HTR4: variants seen among roughly 807,000 people sequenced by gnomAD.
HTR4 encodes 5-hydroxytryptamine receptor 4.
A neutral mutation model predicts 36.8 loss-of-function variants in HTR4; 16 were observed. That is an observed-to-expected ratio of 0.43 (90% CI 0.29 to 0.66). The LOEUF (loss-of-function observed/expected upper bound fraction) is 0.66, where lower values mean the gene tolerates loss of function less well. HTR4 is among the 30% of genes least tolerant of loss of function. The pLI is 0.13. For synonymous variants in HTR4, 189 were observed against 185.1 expected (o/e 1.02, Z -0.17); for missense variants, 438 against 490.9 (o/e 0.89, Z 1.02).
chr5:148,647,543 C>T (rs927027028), intron 1 of HTR4, among the ~76,000 whole-genome samples: 6 of 152,124 alleles, frequency 3.9e-5, no homozygotes, highest in African/African-American at 7.2e-5. Context: ...GACAAAGCTG[C>T]TTAGTGGTTA....
chr5:148,548,424 T>C lies in HTR4; in HGVS notation c.353+244A>G, dbSNP rs76219593. ...TTGCTGACATCTATTGCTATTTAGA[T>C]TGCAATCTCCTTGCAGACAAGTTAT... On this transcript the variant is annotated intron_variant, in intron 4 of 6. Transcript: ENST00000377888. 5.2e-3 allele frequency among the ~76,000 whole-genome samples: 787 copies of C among 152,292 alleles called. 12 individuals carry two copies. Among genetic ancestry groups the C allele is most frequent in the African/African-American group, 0.018 (737 of 41,562 alleles).
At chr5:148,462,879 A>G (rs1351480052) in intron 5 of HTR4, among the ~76,000 whole-genome samples, 1 of 152,148 alleles carries the variant, frequency 6.6e-6, no homozygotes, top group African/African-American at 2.4e-5. Flanking sequence ...TAAGTAATCC[A>G]TCATATCAAT....
At chr5:148,520,064 G>A (rs185161227) in intron 5 of HTR4, among the ~76,000 whole-genome samples, 2 of 152,314 alleles carry the variant, frequency 1.3e-5, no homozygotes, top group East Asian at 3.9e-4. Flanking sequence ...TGATGAAAAT[G>A]TTGTGACCAG....
At chr5:148,620,614 G>C (rs752260501) in intron 2 of HTR4, among the ~76,000 whole-genome samples, 4 of 152,112 alleles carry the variant, frequency 2.6e-5, no homozygotes, top group Admixed American at 6.5e-5. Context: ...TAATACTTTA[G>C]ATATGTTAAG....
At chr5:148,614,670 A>C (rs1752588056) in intron 2 of HTR4, among the ~76,000 whole-genome samples, 1 of 152,130 alleles carries the variant, frequency 6.6e-6, no homozygotes, top group African/African-American at 2.4e-5. Flanking sequence ...CAAAAGACAA[A>C]ATTGACAAAT....
chr5:148,550,501 A>C (rs1759629314), intron 2 of HTR4, among the ~76,000 whole-genome samples: 2 of 152,194 alleles, frequency 1.3e-5, no homozygotes, highest in Admixed American at 1.3e-4. Flanking sequence ...GTTATTTTCC[A>C]TCCAAGCACT....
chr5:148,538,165 TC>T (rs1221072344), intron 4 of HTR4, among the ~76,000 whole-genome samples: 5 of 152,084 alleles, frequency 3.3e-5, no homozygotes, highest in Admixed American at 3.3e-4. Context: ...AAAAAGGCTT[TC>T]AATAAAATTC....
chr5:148,509,562 G>A lies in HTR4; in HGVS notation c.970C>T (p.Leu324Phe). 6.2e-7 allele frequency: 1 copy of A among 1,614,086 alleles called. No homozygotes were observed. Among genetic ancestry groups the A allele is most frequent in the Non-Finnish European group, 8.5e-7 (1 of 1,179,982 alleles). The part of the protein sequence containing the change: ...FLNKSFRRAF[L>F]IILCCDDERY... Reference sequence around the variant, plus strand: ...TCATCATCACAGCAGAGGATGATGAGGAAGGCACGTCTAAAAGACTTATTC... The same window carrying A: ...TCATCATCACAGCAGAGGATGATGAAGAAGGCACGTCTAAAAGACTTATTC... Residue 324 changes from leucine (L) to phenylalanine (F), a missense_variant, in exon 6 of 7, where the codon CTC becomes TTC. Coordinates refer to ENST00000377888, the MANE Select transcript of HTR4 (RefSeq NM_000870.7).
intron 2 of HTR4, among the ~76,000 whole-genome samples, chr5:148,554,371 G>A (rs934474899): frequency 5.9e-5 from 9 of 152,078 alleles, no homozygotes; most frequent in African/African-American, 1.4e-4. Flanking sequence ...CACCGCGCCC[G>A]GCCAGGAATG....
In HTR4 at chr5:148,482,840, T is replaced by C; in HGVS notation, c.*363A>G. On this transcript the variant is annotated 3_prime_UTR_variant, in exon 7 of 7. Coordinates refer to ENST00000377888, the MANE Select transcript of HTR4 (RefSeq NM_000870.7). ...AGCAAAGAAGGCGTATTTGGAGACA[T>C]CAGTGACCGAGATAGGACGCAGCAA... 1 of 1,090,746 alleles carries C rather than the reference T, an allele frequency of 9.2e-7. No homozygotes were observed. Among genetic ancestry groups the C allele is most frequent in the Non-Finnish European group, 1.1e-6 (1 of 891,270 alleles). The allele number at this position is 1,090,746 out of a possible 1,614,324, so 67.6% of individuals were successfully genotyped here. A position where few individuals can be genotyped will look rare whatever the true frequency, so the allele number is the denominator to read the frequency against.
chr5:148,559,708 T>G (rs1273919801), intron 2 of HTR4, among the ~76,000 whole-genome samples: 28 of 152,032 alleles, frequency 1.8e-4, no homozygotes, highest in Non-Finnish European at 1.5e-5. Flanking sequence ...AGCTTCCCCC[T>G]TTTTTAACCC....
intron 5 of HTR4, among the ~76,000 whole-genome samples, chr5:148,456,620 G>T (rs1425952035): frequency 6.6e-6 from 1 of 152,174 alleles, no homozygotes; most frequent in Non-Finnish European, 1.5e-5. Context: ...TTAACAGAAG[G>T]GCTGGGCACA....
In HTR4 at chr5:148,481,574, G is replaced by T; in HGVS notation, c.*1629C>A. ...TTTCTTTTTGGCATTTGGATGGTTT[G>T]GTCAATCTTCTCTTCCTTATTCCAA... is the stretch of plus-strand genomic sequence containing the variant. On this transcript the variant is annotated 3_prime_UTR_variant, in exon 7 of 7. Transcript: ENST00000377888. 1 of 1,515,176 alleles carries T rather than the reference G, an allele frequency of 6.6e-7. No individual in the cohort carries two copies. The highest frequency in any genetic ancestry group is 8.8e-7 in the Non-Finnish European group (1 of 1,137,044). 93.9% of individuals were successfully genotyped at this position (1,515,176 alleles called of 1,614,324 possible).
Position 148,633,275 on chromosome 5 carries a change from T to TAA in HTR4, c.26+3712_26+3713dup, listed in dbSNP as rs1229064517. Among the ~76,000 whole-genome samples, 3 of 152,212 alleles carry TAA rather than the reference T, an allele frequency of 2.0e-5. No homozygotes were observed. The East Asian group carries it at 5.8e-4, about 29-fold the overall frequency. ...GAGACTCTTAAGAGGAAAATGCTTA[T>TAA]AATGCTTCTCATATTGCTAAAATCA... On this transcript the variant is annotated intron_variant, in intron 2 of 6. Transcript: ENST00000377888.
intron 2 of HTR4, among the ~76,000 whole-genome samples, chr5:148,572,181 T>A (rs182584017): frequency 2.0e-5 from 3 of 152,242 alleles, no homozygotes; most frequent in Admixed American, 6.5e-5. Context: ...CTTGTCAGTT[T>A]CTCTGCTTTG....
intron 5 of HTR4, among the ~76,000 whole-genome samples, chr5:148,471,007 A>G (rs1052188194): frequency 1.3e-5 from 2 of 152,108 alleles, no homozygotes; most frequent in Non-Finnish European, 1.5e-5. Flanking sequence ...AGTAATTTCT[A>G]TTTTACAGAT....
At chr5:148,496,375 C>T (rs1034998351) in intron 6 of HTR4, among the ~76,000 whole-genome samples, 4 of 151,886 alleles carry the variant, frequency 2.6e-5, no homozygotes, top group Admixed American at 2.0e-4. Flanking sequence ...GATGGAAAAA[C>T]GATCAAGAAA....
At chr5:148,539,919 C>A (rs1051829280) in intron 4 of HTR4, among the ~76,000 whole-genome samples, 1 of 151,922 alleles carries the variant, frequency 6.6e-6, no homozygotes, top group Admixed American at 6.6e-5. Context: ...ACACATGCAC[C>A]CAAATGTTTT....
At chr5:148,556,254 C>A (rs985913968) in intron 2 of HTR4, among the ~76,000 whole-genome samples, 31 of 152,276 alleles carry the variant, frequency 2.0e-4, no homozygotes, top group African/African-American at 7.2e-4. Flanking sequence ...AAACTCCTGA[C>A]CTCAGGTGAT....
Sources: gnomAD v4.1 joint callset for allele counts (sites outside exome capture counted in the v4.1 genomes callset) on GRCh38, gnomAD v4.1.1 for gene constraint, MANE v1.5 for transcripts, NCBI Gene and HGNC (gene_info 2026-07-23, HGNC 2026-07-21) for gene names.